The following KLHDC10 variants were observed in gnomAD, a reference collection of about 807,000 sequenced individuals.
The protein encoded by KLHDC10 is kelch domain containing 10, also known as kelch domain-containing protein 10.
Under a neutral mutation model 56.1 loss-of-function variants are expected in KLHDC10, and 24 were observed. The observed-to-expected ratio is 0.43, with a 90% CI of 0.31 to 0.60. The LOEUF is 0.60. Ranked by LOEUF, KLHDC10 falls within the 20% of genes least tolerant of loss-of-function variation. The pLI is 0.11. For missense variants in KLHDC10, 349 were observed against 567.0 expected (o/e 0.62, Z 3.91); for synonymous variants, 188 against 207.1 (o/e 0.91, Z 0.79).
intron 2 of KLHDC10, among the ~76,000 whole-genome samples, chr7:130,115,074 A>G (rs1796149413): frequency 6.6e-6 from 1 of 152,214 alleles, no homozygotes; most frequent in South Asian, 2.1e-4. Flanking sequence ...GCTCTGGTTT[A>G]AAAATATAAC....
intron 2 of KLHDC10, among the ~76,000 whole-genome samples, chr7:130,111,938 A>T (rs1002071349): frequency 6.6e-6 from 1 of 152,216 alleles, no homozygotes; most frequent in Non-Finnish European, 1.5e-5. Context: ...AAGCATGAAG[A>T]AGTAGGCACT....
Position 130,116,886 on chromosome 7 carries a change from A to T in KLHDC10, c.475+220A>T, listed in dbSNP as rs1387657226. Among the ~76,000 whole-genome samples the T allele has an allele frequency of 6.6e-6, 1 of 152,150 alleles. No individual in the cohort carries two copies. The highest frequency in any genetic ancestry group is 1.5e-5 in the Non-Finnish European group (1 of 68,020). On this transcript the variant is annotated intron_variant, in intron 3 of 9. Coordinates refer to ENST00000335420, the MANE Select transcript of KLHDC10 (RefSeq NM_014997.4). The surrounding 1 kb of genome is among the most constrained non-coding windows in gnomAD (Gnocchi z 4.8). ...AGGTGAGTTTTAGCTTTAATTTCCT[A>T]ACTTGCAAAATGGGATTAATAATAT... is the stretch of plus-strand genomic sequence containing the variant.
At chr7:130,081,159 C>T (rs532893856) in intron 1 of KLHDC10, among the ~76,000 whole-genome samples, 113 of 151,744 alleles carry the variant, frequency 7.4e-4, no homozygotes, top group African/African-American at 2.5e-3. Flanking sequence ...CCACTACACC[C>T]GGCTAATTTT....
Position 130,120,888 on chromosome 7 carries a change from T to A in KLHDC10, c.615T>A (p.Ser205Arg). ...ALLSCRGKKP[S>R]RIYGQAMAII... ...TCAGCTGTCGGGGGAAGAAACCCAG[T>A]CGTATATATGGACAGGTACCAATCT... The change falls in exon 4 of 10, where the codon AGT (serine) becomes AGA (arginine). Residue 205 changes from serine (S) to arginine (R), a missense_variant. Physicochemically the swap from Ser to Arg is moderately radical, Grantham distance 110. Transcript: ENST00000335420. This position sits in a 1 kb window ranked among gnomAD's most constrained non-coding sequence, Gnocchi z 5.1. The A allele has an allele frequency of 6.2e-7, 1 of 1,614,048 alleles. No homozygotes were observed. Among genetic ancestry groups the A allele is most frequent in the Non-Finnish European group, 8.5e-7 (1 of 1,179,946 alleles).
chr7:130,115,476 G>A (rs1182528426), intron 2 of KLHDC10, among the ~76,000 whole-genome samples: 1 of 151,960 alleles, frequency 6.6e-6, no homozygotes, highest in African/African-American at 2.4e-5. Context: ...AGGATGTTGG[G>A]AGGCCAAGGC....
intron 1 of KLHDC10, among the ~76,000 whole-genome samples, chr7:130,084,445 G>A (rs974821334): frequency 3.3e-5 from 5 of 152,158 alleles, no homozygotes; most frequent in African/African-American, 1.2e-4. Flanking sequence ...AATAGGATTT[G>A]CTATGAGGTG....
rs532224168 is a variant in KLHDC10 at position 130,091,861 on chromosome 7, G to A, written c.167-5060G>A. Among the ~76,000 whole-genome samples the A allele has an allele frequency of 3.3e-5, 5 of 152,212 alleles. No individual in the cohort carries two copies. The East Asian group carries it at 9.6e-4, about 29-fold the overall frequency. On this transcript the variant is annotated intron_variant, in intron 1 of 9. Transcript: ENST00000335420. ...AAACAATCCAATTATATATCTTTGA[G>A]TAATTATTTCATTAGAAGTCTGAAG...
At chr7:130,083,686 GT>G (rs1795640515) in intron 1 of KLHDC10, among the ~76,000 whole-genome samples, 1 of 152,074 alleles carries the variant, frequency 6.6e-6, no homozygotes, top group Non-Finnish European at 1.5e-5. Flanking sequence ...GGAGGTGGAG[GT>G]TGTAGTGAGC....
intron 3 of KLHDC10, among the ~76,000 whole-genome samples, chr7:130,118,710 T>G (rs943891574): frequency 6.6e-6 from 1 of 152,168 alleles, no homozygotes. Context: ...TTCCTTTCAC[T>G]TCAATACTCA....
At chr7:130,117,368 A>G (rs1039172192) in intron 3 of KLHDC10, among the ~76,000 whole-genome samples, 1 of 152,204 alleles carries the variant, frequency 6.6e-6, no homozygotes, top group African/African-American at 2.4e-5. Context: ...CTTTCACAAA[A>G]GATTTCTCTG....
intron 6 of KLHDC10, 107 bp from the exon 7 acceptor site, chr7:130,125,758 T>C (rs1391041767): frequency 2.3e-6 from 2 of 870,718 alleles, no homozygotes; most frequent in African/African-American, 3.5e-5. Flanking sequence ...TGCTGTGAAC[T>C]GAAAACTGCT....
In KLHDC10 at chr7:130,120,707, G is replaced by T; in HGVS notation, c.476-42G>T. 5.6e-6 allele frequency: 9 copies of T among 1,605,146 alleles called. No individual in the cohort carries two copies. The highest frequency in any genetic ancestry group is 1.1e-5 in the South Asian group (1 of 90,238). On this transcript the variant is annotated intron_variant, in intron 3 of 9. Transcript: ENST00000335420. The surrounding 1 kb of genome is among the most constrained non-coding windows in gnomAD (Gnocchi z 5.1). ...TGGGTTTATGTGGGAACAAATTGCA[G>T]GTAGCCATTTGTGAACAGAACTTGT...
At chr7:130,076,725 C>T (rs1214683947) in intron 1 of KLHDC10, among the ~76,000 whole-genome samples, 1 of 152,104 alleles carries the variant, frequency 6.6e-6, no homozygotes, top group East Asian at 1.9e-4. Context: ...CAGCTTTGCC[C>T]TGCTGATTGA....
intron 1 of KLHDC10, among the ~76,000 whole-genome samples, chr7:130,078,754 G>C (rs1342600594): frequency 2.0e-5 from 3 of 152,166 alleles, no homozygotes; most frequent in Non-Finnish European, 4.4e-5. Flanking sequence ...TCCTGACCTC[G>C]TGATCCACCC....
At chr7:130,099,410 A>G (rs1795899171) in intron 2 of KLHDC10, among the ~76,000 whole-genome samples, 1 of 152,212 alleles carries the variant, frequency 6.6e-6, no homozygotes, top group Admixed American at 6.5e-5. Context: ...TAATTTGAGT[A>G]TAATTATTTG....
intron 1 of KLHDC10, among the ~76,000 whole-genome samples, chr7:130,073,307 T>TG (rs1277258079): frequency 6.7e-6 from 1 of 149,908 alleles, no homozygotes; most frequent in Non-Finnish European, 1.5e-5. Flanking sequence ...TTTTTTTTTT[T>TG]TTTTTTGAGA....
intron 2 of KLHDC10, among the ~76,000 whole-genome samples, chr7:130,107,955 C>T (rs1303041625): frequency 6.6e-6 from 1 of 150,650 alleles, no homozygotes; most frequent in Admixed American, 6.6e-5. Flanking sequence ...GCGGAGGTTG[C>T]AGTGAGGTGA....
chr7:130,134,459 A>G lies in KLHDC10; in HGVS notation c.*3713A>G, dbSNP rs1796441486. 6.6e-6 allele frequency: 1 copy of G among 152,246 alleles called. No individual in the cohort carries two copies. Among genetic ancestry groups the G allele is most frequent in the Non-Finnish European group, 1.5e-5 (1 of 68,038 alleles). The allele number at this position is 152,246 out of a possible 1,614,324, so 9.4% of individuals were successfully genotyped here. On this transcript the variant is annotated 3_prime_UTR_variant, in exon 10 of 10. Transcript: ENST00000335420. ...ACGGGAAGGAAAAGCTGTGTGCGAC[A>G]CAGAGGAAACTCCATTATTTGAACA... is the stretch of plus-strand genomic sequence containing the variant.
chr7:130,129,658 C>T (rs1796369722), intron 9 of KLHDC10, 82 bp downstream of exon 9: 2 of 1,340,838 alleles, frequency 1.5e-6, no homozygotes, highest in Non-Finnish European at 1.0e-6. Context: ...AGAAAAAAAG[C>T]CAGATATAGG....
Sources: gnomAD v4.1 joint callset for allele counts (sites outside exome capture counted in the v4.1 genomes callset) on GRCh38, gnomAD v4.1.1 for gene constraint, Gnocchi (gnomAD v3.1) non-coding constraint, MANE v1.5 for transcripts, NCBI Gene and HGNC (gene_info 2026-07-23, HGNC 2026-07-21) for gene names.